MAP2K5: variants seen among roughly 807,000 people sequenced by gnomAD.
MAP2K5 encodes the protein mitogen-activated protein kinase kinase 5.
MAP2K5 carries 49 observed loss-of-function variants against 83.1 expected under a neutral mutation model. That is an observed-to-expected ratio of 0.59 (90% CI 0.47 to 0.75). MAP2K5 has a LOEUF of 0.75. Among genes scored for constraint, MAP2K5 ranks in the 30% least tolerant of loss-of-function variants. The probability of loss-of-function intolerance (pLI) is 0.00; values close to 1 mark genes in which losing one functional copy is unlikely to be tolerated. For missense variants in MAP2K5, 457 were observed against 557.5 expected, an observed-to-expected ratio of 0.82 and a Z score of 1.82; for synonymous variants, 202 against 191.8, an observed-to-expected ratio of 1.05 and a Z score of -0.44.
At chr15:67,707,767 G>A (rs140456739) in intron 16 of MAP2K5, among the ~76,000 whole-genome samples, 63 of 152,222 alleles carry the variant, frequency 4.1e-4, no homozygotes, top group African/African-American at 1.5e-3. Context: ...GGAGAAAGAG[G>A]GAAAAGATAG....
chr15:67,648,453 A>G (rs1222645120), intron 11 of MAP2K5, among the ~76,000 whole-genome samples: 7 of 152,162 alleles, frequency 4.6e-5, no homozygotes. Flanking sequence ...TGGCTATACT[A>G]CATTTTGTTT....
intron 9 of MAP2K5, among the ~76,000 whole-genome samples, chr15:67,632,300 A>G (rs1035614091): frequency 6.6e-6 from 1 of 151,980 alleles, no homozygotes; most frequent in Non-Finnish European, 1.5e-5. Context: ...GGGTTTCACT[A>G]TGTTTCCCAA....
At chr15:67,695,380 G>A (rs1240343590) in intron 15 of MAP2K5, among the ~76,000 whole-genome samples, 1 of 152,058 alleles carries the variant, frequency 6.6e-6, no homozygotes, top group Non-Finnish European at 1.5e-5. Flanking sequence ...TACCAGAATA[G>A]CTCATTTTTG....
chr15:67,748,502 T>G lies in MAP2K5; in HGVS notation c.1102-67T>G, dbSNP rs1459191088. On this transcript the variant is annotated intron_variant, in intron 18 of 21. Coordinates refer to ENST00000178640, the MANE Select transcript of MAP2K5 (RefSeq NM_145160.3). This position sits in a 1 kb window ranked among gnomAD's most constrained non-coding sequence, Gnocchi z 4.0. ...ATTTTATTGCATTAATGATTTTTTC[T>G]TTCCACTCCACTGTAAAGATATTGC... 1.4e-6 allele frequency: 2 copies of G among 1,394,960 alleles called. No individual in the cohort carries two copies. Among genetic ancestry groups the G allele is most frequent in the Non-Finnish European group, 2.0e-6 (2 of 995,380 alleles). 86.4% of individuals were successfully genotyped at this position (1,394,960 alleles called of 1,614,324 possible).
chr15:67,680,264 A>G (rs2087786554), intron 13 of MAP2K5, among the ~76,000 whole-genome samples: 1 of 152,202 alleles, frequency 6.6e-6, no homozygotes, highest in Non-Finnish European at 1.5e-5. Context: ...TGGGACGATT[A>G]TGAATAATAC....
intron 2 of MAP2K5, among the ~76,000 whole-genome samples, chr15:67,558,244 G>A (rs1450158170): frequency 6.6e-6 from 1 of 152,196 alleles, no homozygotes; most frequent in Non-Finnish European, 1.5e-5. Flanking sequence ...GGCACTCTAT[G>A]TGTGTTTCTG....
rs184526585 is a variant in MAP2K5, at chr15:67,715,245, G to T, written c.1044+11837G>T. 5.1e-4 allele frequency among the ~76,000 whole-genome samples: 76 copies of T among 148,630 alleles called. 1 individual carries two copies. The highest frequency in any genetic ancestry group is 6.9e-3 in the Middle Eastern group (2 of 290). On this transcript the variant is annotated intron_variant, in intron 16 of 21. Transcript: ENST00000178640. Reference sequence around the variant, plus strand: ...TTTTTTTTGGGCGGGGAGGGGGGGGGTCTAAAATTGTGTGTAACTTAATGC... The same window carrying T: ...TTTTTTTTGGGCGGGGAGGGGGGGGTTCTAAAATTGTGTGTAACTTAATGC...
At position 67,690,598 on chromosome 15, in the gene MAP2K5, A is replaced by G. The variant is rs2088082889; in HGVS notation, c.848-1881A>G. Among the ~76,000 whole-genome samples the G allele has an allele frequency of 6.6e-6, 1 of 150,904 alleles. No homozygotes were observed. Among genetic ancestry groups the G allele is most frequent in the Non-Finnish European group, 1.5e-5 (1 of 67,888 alleles). On this transcript the variant is annotated intron_variant, in intron 13 of 21. Coordinates refer to ENST00000178640, the MANE Select transcript of MAP2K5 (RefSeq NM_145160.3). This position sits in a 1 kb window ranked among gnomAD's most constrained non-coding sequence, Gnocchi z 4.3. ...ACCCAGGCTACAGTGCAGTGGCACCATCTCAGCTCACTGCAACCTCTGTTT... is the reference window on the plus strand; with the variant it reads ...ACCCAGGCTACAGTGCAGTGGCACCGTCTCAGCTCACTGCAACCTCTGTTT...
intron 21 of MAP2K5, among the ~76,000 whole-genome samples, chr15:67,804,115 G>T (rs1947416437): frequency 1.3e-5 from 2 of 152,174 alleles, no homozygotes; most frequent in Non-Finnish European, 2.9e-5. Flanking sequence ...GGGTGTAATG[G>T]CCCCAGGGTC....
At chr15:67,647,981 A>G (rs543729007) in intron 11 of MAP2K5, among the ~76,000 whole-genome samples, 73 of 152,310 alleles carry the variant, frequency 4.8e-4, no homozygotes, top group Non-Finnish European at 8.4e-4. Context: ...TTAAGCCTGT[A>G]GTGAGCTGTG....
intron 15 of MAP2K5, among the ~76,000 whole-genome samples, chr15:67,700,007 C>G (rs1199985880): frequency 1.3e-5 from 2 of 149,306 alleles, no homozygotes; most frequent in African/African-American, 4.9e-5. Flanking sequence ...ACTTGTGATA[C>G]ATATTTTGAC....
chr15:67,586,163 G>C (rs2085285135), intron 5 of MAP2K5, among the ~76,000 whole-genome samples: 1 of 151,960 alleles, frequency 6.6e-6, no homozygotes, highest in South Asian at 2.1e-4. Flanking sequence ...TTGTTTTGTT[G>C]GTCAGTGTCT....
chr15:67,791,985 C>G (rs1474637024), intron 21 of MAP2K5, among the ~76,000 whole-genome samples: 1 of 152,146 alleles, frequency 6.6e-6, no homozygotes, highest in African/African-American at 2.4e-5. Context: ...CAATTCTTAC[C>G]TCCTACCTCT....
intron 3 of MAP2K5, among the ~76,000 whole-genome samples, chr15:67,564,392 G>T (rs1027904953): frequency 6.6e-6 from 1 of 152,178 alleles, no homozygotes; most frequent in African/African-American, 2.4e-5. Flanking sequence ...TTTTCACTGA[G>T]ACCCTAATCT....
At position 67,572,840 on chromosome 15, in the gene MAP2K5, A is replaced by G. The variant is rs1048999627; in HGVS notation, c.253-7914A>G. On this transcript the variant is annotated intron_variant, in intron 3 of 21. Transcript: ENST00000178640. This position sits in a 1 kb window ranked among gnomAD's most constrained non-coding sequence, Gnocchi z 4.2. ...CAACCTCCTGAGTAGCTGGGACTAC[A>G]GGCACCTGCTACCACGCCCAGCTAA... 6.6e-6 allele frequency among the ~76,000 whole-genome samples: 1 copy of G among 152,044 alleles called. No individual in the cohort carries two copies. Among genetic ancestry groups the G allele is most frequent in the Non-Finnish European group, 1.5e-5 (1 of 68,030 alleles).
chr15:67,688,154 C>A (rs748658546), intron 13 of MAP2K5, among the ~76,000 whole-genome samples: 1 of 152,182 alleles, frequency 6.6e-6, no homozygotes, highest in Non-Finnish European at 1.5e-5. Flanking sequence ...AGAGCCACAG[C>A]GCAAGAGCAT....
At chr15:67,754,434 A>T (rs1006876370) in intron 19 of MAP2K5, among the ~76,000 whole-genome samples, 2 of 152,316 alleles carry the variant, frequency 1.3e-5, no homozygotes, top group Admixed American at 1.3e-4. Context: ...ATTTTTATTT[A>T]CTTCAAGGGA....
chr15:67,633,093 C>A (rs2086511618), intron 9 of MAP2K5, among the ~76,000 whole-genome samples: 1 of 152,138 alleles, frequency 6.6e-6, no homozygotes, highest in Admixed American at 6.5e-5. Flanking sequence ...TGTGTCATAC[C>A]ACCTTGGTGC....
Position 67,740,595 on chromosome 15 carries a change from CA to C in MAP2K5, c.1075-7626del, listed in dbSNP as rs370065701. On this transcript the variant is annotated intron_variant, in intron 17 of 21. Transcript: ENST00000178640. The stretch of plus-strand genomic sequence containing the variant: ...GCAATAGAGTGAGACCCTGTCTCAA[CA>C]AAAAAAAAAGTGTTTCCTTTTCAGT... Among the ~76,000 whole-genome samples the C allele has an allele frequency of 1.3e-3, 182 of 144,066 alleles. 1 individual carries two copies. Among genetic ancestry groups the C allele is most frequent in the African/African-American group, 4.3e-3 (170 of 39,248 alleles). 94.5% of individuals were successfully genotyped at this position (144,066 alleles called of 152,430 possible).
Sources: allele counts gnomAD v4.1 joint callset (sites outside exome capture counted in the v4.1 genomes callset), GRCh38; gene constraint gnomAD v4.1.1; non-coding constraint Gnocchi (gnomAD v3.1); transcripts MANE v1.5; gene names NCBI Gene and HGNC (gene_info 2026-07-23, HGNC 2026-07-21).